SND1: variants seen among roughly 807,000 people sequenced by gnomAD.
The protein encoded by SND1 is staphylococcal nuclease domain-containing protein 1.
In SND1, 38 loss-of-function variants were observed where a neutral mutation model predicts 121.7. The ratio of observed to expected loss-of-function variants is 0.31; its 90% CI spans 0.24 to 0.41. The LOEUF is 0.41. Ranked by LOEUF, SND1 falls within the 10% of genes least tolerant of loss-of-function variation. SND1 has a pLI of 1.00. For missense variants in SND1, 868 were observed against 1,184.6 expected, an observed-to-expected ratio of 0.73 and a Z score of 3.92; for synonymous variants, 401 against 447.4, an observed-to-expected ratio of 0.90 and a Z score of 1.31.
chr7:128,031,245 G>A (rs997897119), intron 16 of SND1, among the ~76,000 whole-genome samples: 1 of 150,088 alleles, frequency 6.7e-6, no homozygotes, highest in African/African-American at 2.4e-5. Context: ...TTGGACCCTG[G>A]CACCGGCTCG....
In SND1 at chr7:127,902,447, T is replaced by C. The variant is rs947527648; in HGVS notation, c.1455-2300T>C. 7.2e-5 allele frequency among the ~76,000 whole-genome samples: 11 copies of C among 152,142 alleles called. No homozygotes were observed. The South Asian group carries it at 8.3e-4, about 11-fold the overall frequency. On this transcript the variant is annotated intron_variant, in intron 13 of 23. Coordinates refer to ENST00000354725, the MANE Select transcript of SND1 (RefSeq NM_014390.4). The stretch of plus-strand genomic sequence containing the variant: ...TACGGCTGCTCCTTCCAATTTGCAG[T>C]AGCAAAATAAGGAGAGCCTGTTGGT...
chr7:127,790,350 A>G (rs1214375944), intron 10 of SND1, among the ~76,000 whole-genome samples: 2 of 152,152 alleles, frequency 1.3e-5, no homozygotes, highest in Non-Finnish European at 2.9e-5. Context: ...CTTCTAGGAC[A>G]AGGAGCTGAG....
At chr7:127,841,996 C>T (rs912782234) in intron 11 of SND1, among the ~76,000 whole-genome samples, 12 of 152,210 alleles carry the variant, frequency 7.9e-5, no homozygotes, top group East Asian at 7.7e-4. Flanking sequence ...CTCCATTCTG[C>T]TGCTTCTAAA....
intron 15 of SND1, among the ~76,000 whole-genome samples, chr7:127,988,367 G>A (rs557177264): frequency 2.0e-5 from 3 of 152,222 alleles, no homozygotes; most frequent in Non-Finnish European, 2.9e-5. Flanking sequence ...ACCCTACTTC[G>A]GCTTCCTACT....
intron 16 of SND1, 99 bp from the exon 17 acceptor site, chr7:128,074,403 G>A (rs1272314273): frequency 7.7e-7 from 1 of 1,291,414 alleles, no homozygotes; most frequent in Non-Finnish European, 1.1e-6. Flanking sequence ...GCCAAGGCCT[G>A]TGAGCCCAAG....
chr7:128,058,051 A>G (rs1236360287), intron 16 of SND1, among the ~76,000 whole-genome samples: 1 of 152,142 alleles, frequency 6.6e-6, no homozygotes, highest in Non-Finnish European at 1.5e-5. Context: ...AGGATTCACA[A>G]CCTCTAGTTC....
intron 16 of SND1, among the ~76,000 whole-genome samples, chr7:128,072,329 C>T (rs1409349160): frequency 6.6e-6 from 1 of 152,196 alleles, no homozygotes; most frequent in Non-Finnish European, 1.5e-5. Context: ...TGTGTCCAAG[C>T]AGGGCAGACA....
chr7:127,859,351 T>G (rs1799338358), intron 12 of SND1, among the ~76,000 whole-genome samples: 1 of 152,200 alleles, frequency 6.6e-6, no homozygotes, highest in Non-Finnish European at 1.5e-5. Flanking sequence ...GGCAGTTCTA[T>G]TCTGCAGAGA....
At chr7:127,962,875 C>G (rs1057253941) in intron 15 of SND1, among the ~76,000 whole-genome samples, 1 of 152,188 alleles carries the variant, frequency 6.6e-6, no homozygotes, top group African/African-American at 2.4e-5. Context: ...TCTTAACTTG[C>G]CTTTTTGAAA....
chr7:128,069,187 C>A (rs1013028877), intron 16 of SND1, among the ~76,000 whole-genome samples: 1 of 152,210 alleles, frequency 6.6e-6, no homozygotes, highest in Admixed American at 6.5e-5. Context: ...GTGTAAGAAA[C>A]CCAAAGCTTT....
chr7:127,665,857 T>A (rs2116248455), intron 1 of SND1, among the ~76,000 whole-genome samples: 1 of 152,338 alleles, frequency 6.6e-6, no homozygotes, highest in Non-Finnish European at 1.5e-5. Flanking sequence ...CAAGTGACAT[T>A]TATCTGCTTG....
intron 15 of SND1, among the ~76,000 whole-genome samples, chr7:127,949,731 A>G (rs374440363): frequency 1.5e-4 from 23 of 152,260 alleles, no homozygotes; most frequent in East Asian, 5.8e-4. Flanking sequence ...GCTGCCTCCC[A>G]GCTTGGATTT....
chr7:127,996,699 T>G (rs1802666395), intron 16 of SND1, among the ~76,000 whole-genome samples: 1 of 152,202 alleles, frequency 6.6e-6, no homozygotes, highest in Non-Finnish European at 1.5e-5. Flanking sequence ...AATAATTACC[T>G]GCTGGAAAAG....
chr7:127,817,687 A>G (rs1393151021), intron 11 of SND1, among the ~76,000 whole-genome samples: 1 of 148,268 alleles, frequency 6.7e-6, no homozygotes, highest in Non-Finnish European at 1.5e-5. Flanking sequence ...TTCCATGGAC[A>G]TGCCAAGCCA....
chr7:127,917,435 CT>C (rs773805681), intron 14 of SND1, among the ~76,000 whole-genome samples: 2 of 152,272 alleles, frequency 1.3e-5, no homozygotes, highest in Non-Finnish European at 2.9e-5. Context: ...ACAAGTTGCT[CT>C]CTTTACTAGG....
rs902227295 is a variant in SND1, at chr7:127,842,611, A to G, written c.1243-1713A>G. On this transcript the variant is annotated intron_variant, in intron 11 of 23. Transcript: ENST00000354725. ...AATTAGCTGTATCTTTTTGATTTAC[A>G]TACTGTGAAACCAATTCCAAGCATC... Among the ~76,000 whole-genome samples, 10 of 152,170 alleles carry G rather than the reference A, an allele frequency of 6.6e-5. No individual in the cohort carries two copies. The East Asian group carries it at 1.9e-3, about 29-fold the overall frequency.
At chr7:127,836,958 T>G (rs1456256711) in intron 11 of SND1, among the ~76,000 whole-genome samples, 1 of 152,218 alleles carries the variant, frequency 6.6e-6, no homozygotes, top group Non-Finnish European at 1.5e-5. Context: ...GTGTATAAAT[T>G]TATCCTCACA....
chr7:127,891,439 C>T (rs1563049483), intron 13 of SND1, among the ~76,000 whole-genome samples: 1 of 152,076 alleles, frequency 6.6e-6, no homozygotes, highest in Non-Finnish European at 1.5e-5. Context: ...TCCCCATGTT[C>T]CCTTAGCATT....
intron 16 of SND1, among the ~76,000 whole-genome samples, chr7:128,017,146 C>G (rs1435866158): frequency 6.6e-6 from 1 of 152,204 alleles, no homozygotes; most frequent in Non-Finnish European, 1.5e-5. Context: ...CAGCAGAGCT[C>G]CAAGAGGGAT....
Sources: allele counts gnomAD v4.1 joint callset (sites outside exome capture counted in the v4.1 genomes callset), GRCh38; gene constraint gnomAD v4.1.1; transcripts MANE v1.5; gene names NCBI Gene and HGNC (gene_info 2026-07-23, HGNC 2026-07-21).